The following SPAG16 variants were observed in gnomAD, a reference collection of about 807,000 sequenced individuals.
The protein encoded by SPAG16 is sperm-associated antigen 16 protein.
SPAG16 carries 86 observed loss-of-function variants against 80.4 expected under a neutral mutation model. The observed-to-expected ratio is 1.07, with a 90% CI of 0.90 to 1.28. The LOEUF is 1.28. SPAG16 is among the 50% of genes most tolerant of loss of function. The pLI is 0.00. For missense variants in SPAG16, 870 were observed against 765.3 expected, an observed-to-expected ratio of 1.14 and a Z score of -1.61; for synonymous variants, 294 against 265.9, an observed-to-expected ratio of 1.11 and a Z score of -1.03.
At chr2:213,363,481 A>G (rs1013661400) in intron 7 of SPAG16, among the ~76,000 whole-genome samples, 1 of 152,134 alleles carries the variant, frequency 6.6e-6, no homozygotes, top group Non-Finnish European at 1.5e-5. Context: ...TTGTGTTGGT[A>G]TAATCATATA....
intron 9 of SPAG16, among the ~76,000 whole-genome samples, chr2:213,409,275 A>G (rs2068831983): frequency 6.6e-6 from 1 of 152,214 alleles, no homozygotes; most frequent in East Asian, 1.9e-4. Context: ...ATGTAAAACT[A>G]TTTATTCTAT....
chr2:214,082,237 C>T (rs2051432815), intron 13 of SPAG16, among the ~76,000 whole-genome samples: 1 of 152,130 alleles, frequency 6.6e-6, no homozygotes, highest in South Asian at 2.1e-4. Flanking sequence ...CCTGAGTCCA[C>T]TCTTAACAAT....
intron 15 of SPAG16, among the ~76,000 whole-genome samples, chr2:214,322,224 G>C (rs1223536985): frequency 6.6e-6 from 1 of 152,234 alleles, no homozygotes; most frequent in East Asian, 1.9e-4. Context: ...CATTTTTCAA[G>C]ACACTCAAAT....
intron 10 of SPAG16, among the ~76,000 whole-genome samples, chr2:213,796,477 CT>C (rs2071036309): frequency 6.6e-6 from 1 of 152,138 alleles, no homozygotes; most frequent in Non-Finnish European, 1.5e-5. Flanking sequence ...TACTTCATTT[CT>C]TTTTATGACT....
At chr2:213,505,761 C>G (rs1397703830) in intron 10 of SPAG16, among the ~76,000 whole-genome samples, 2 of 151,996 alleles carry the variant, frequency 1.3e-5, no homozygotes, top group African/African-American at 4.8e-5. Context: ...TTTGGATAAC[C>G]ATTATCCTTT....
At chr2:213,331,185 G>A (rs2064087048) in intron 5 of SPAG16, among the ~76,000 whole-genome samples, 1 of 152,208 alleles carries the variant, frequency 6.6e-6, no homozygotes, top group Non-Finnish European at 1.5e-5. Context: ...GGCCTCAGAA[G>A]TAGGCACTGG....
chr2:213,636,332 T>C (rs561994979), intron 10 of SPAG16, among the ~76,000 whole-genome samples: 47 of 152,254 alleles, frequency 3.1e-4, no homozygotes, highest in Non-Finnish European at 6.2e-4. Flanking sequence ...TGCCAGTACC[T>C]TGCTGTTTTC....
chr2:213,915,039 C>T (rs1353614021), intron 11 of SPAG16, among the ~76,000 whole-genome samples: 1 of 151,920 alleles, frequency 6.6e-6, no homozygotes, highest in Non-Finnish European at 1.5e-5. Context: ...GGGGAGGCCT[C>T]ATAATCACGG....
intron 11 of SPAG16, among the ~76,000 whole-genome samples, chr2:213,890,850 T>C (rs1280129316): frequency 6.6e-6 from 1 of 152,032 alleles, no homozygotes; most frequent in African/African-American, 2.4e-5. Context: ...TGTTAAAGTT[T>C]GGCATTTGAT....
intron 12 of SPAG16, among the ~76,000 whole-genome samples, chr2:213,998,427 C>G (rs1026814162): frequency 1.3e-5 from 2 of 152,202 alleles, no homozygotes; most frequent in East Asian, 3.8e-4. Context: ...CTCATTTTCT[C>G]TTGCTGCCTC....
At chr2:213,380,197 A>G (rs1216281634) in intron 9 of SPAG16, among the ~76,000 whole-genome samples, 2 of 152,232 alleles carry the variant, frequency 1.3e-5, no homozygotes, top group Non-Finnish European at 2.9e-5. Flanking sequence ...GTGCACAACC[A>G]GTTGCACTGC....
At chr2:214,232,587 C>T (rs866194668) in intron 15 of SPAG16, among the ~76,000 whole-genome samples, 2 of 151,284 alleles carry the variant, frequency 1.3e-5, no homozygotes, top group Middle Eastern at 3.4e-3. Flanking sequence ...GTGAAGGAGT[C>T]GGGGGGGGCT....
chr2:213,808,693 CT>C (rs1463252714), intron 10 of SPAG16, among the ~76,000 whole-genome samples: 1 of 152,000 alleles, frequency 6.6e-6, no homozygotes, highest in Non-Finnish European at 1.5e-5. Context: ...TACTGTTTTG[CT>C]TTTGTTTATA....
chr2:213,630,199 C>G (rs765886549), intron 10 of SPAG16, among the ~76,000 whole-genome samples: 2 of 152,116 alleles, frequency 1.3e-5, no homozygotes, highest in African/African-American at 4.8e-5. Context: ...GCCTAGCGAA[C>G]ATGGTGAAAC....
chr2:214,263,983 A>G (rs2125878029), intron 15 of SPAG16, among the ~76,000 whole-genome samples: 1 of 152,350 alleles, frequency 6.6e-6, no homozygotes, highest in South Asian at 2.1e-4. Flanking sequence ...TATTAGAATT[A>G]TTAAGTCTAT....
chr2:213,299,794 G>A (rs947346235), intron 3 of SPAG16, among the ~76,000 whole-genome samples: 1 of 152,074 alleles, frequency 6.6e-6, no homozygotes, highest in South Asian at 2.1e-4. Context: ...ATCTATAACA[G>A]TTATGTAGTT....
chr2:214,349,051 AGTAAT>A (rs1376205944), intron 15 of SPAG16, among the ~76,000 whole-genome samples: 19 of 152,320 alleles, frequency 1.2e-4, no homozygotes, highest in African/African-American at 4.6e-4. Context: ...ATTGTAACTC[AGTAAT>A]GTCTTGGTAT....
At chr2:213,339,609 A>T (rs1157560106) in intron 5 of SPAG16, among the ~76,000 whole-genome samples, 1 of 152,200 alleles carries the variant, frequency 6.6e-6, no homozygotes, top group Admixed American at 6.5e-5. Context: ...GACCATTCTC[A>T]TCAAGCTATG....
intron 9 of SPAG16, among the ~76,000 whole-genome samples, chr2:213,445,676 G>A (rs2071260582): frequency 6.6e-6 from 1 of 151,984 alleles, no homozygotes. Flanking sequence ...CAAAAAAAAT[G>A]ACCAACAGAT....
Sources: allele counts gnomAD v4.1 joint callset (sites outside exome capture counted in the v4.1 genomes callset), GRCh38; gene constraint gnomAD v4.1.1; transcripts MANE v1.5; gene names NCBI Gene and HGNC (gene_info 2026-07-23, HGNC 2026-07-21).